The following SLC12A2 variants were observed in gnomAD, a reference collection of about 807,000 sequenced individuals.
SLC12A2 encodes the protein Na-K-2Cl cotransporter 1.
A neutral mutation model predicts 136.3 loss-of-function variants in SLC12A2; 67 were observed. The observed-to-expected ratio is 0.49, with a 90% CI of 0.40 to 0.60. The LOEUF (loss-of-function observed/expected upper bound fraction) is 0.60, where lower values mean the gene tolerates loss of function less well. SLC12A2 is among the 20% of genes least tolerant of loss of function. SLC12A2 has a pLI of 0.00. For missense variants in SLC12A2, 1,322 were observed against 1,534.7 expected (o/e 0.86, Z 2.32); for synonymous variants, 619 against 562.9 (o/e 1.10, Z -1.41).
At chr5:128,133,422 A>G (rs1243243818) in intron 5 of SLC12A2, among the ~76,000 whole-genome samples, 1 of 152,140 alleles carries the variant, frequency 6.6e-6, no homozygotes, top group East Asian at 1.9e-4. Flanking sequence ...TTTATGAAAT[A>G]ATTTCTTTTG....
chr5:128,085,879 G>A (rs1268074493), intron 1 of SLC12A2, among the ~76,000 whole-genome samples: 1 of 152,176 alleles, frequency 6.6e-6, no homozygotes, highest in South Asian at 2.1e-4. Flanking sequence ...AAAAGCCTGA[G>A]ATCATTTAGC....
intron 17 of SLC12A2, among the ~76,000 whole-genome samples, chr5:128,167,521 G>C (rs1156358223): frequency 6.6e-6 from 1 of 151,802 alleles, no homozygotes; most frequent in Non-Finnish European, 1.5e-5. Context: ...ACAAAAATAT[G>C]TACATTTAGA....
At position 128,187,535 on chromosome 5, in the gene SLC12A2, G is replaced by A. The variant is rs532854510; in HGVS notation, c.*904G>A. The A allele has an allele frequency of 6.6e-6, 1 of 152,226 alleles. No homozygotes were observed. Among genetic ancestry groups the A allele is most frequent in the African/African-American group, 2.4e-5 (1 of 41,542 alleles). 9.4% of individuals were successfully genotyped at this position (152,226 alleles called of 1,614,324 possible). A position where few individuals can be genotyped will look rare whatever the true frequency, so the allele number is the denominator to read the frequency against. On this transcript the variant is annotated 3_prime_UTR_variant, in exon 27 of 27. Coordinates refer to ENST00000262461, the MANE Select transcript of SLC12A2 (RefSeq NM_001046.3). ...AACAGATTTTTCTGGAGGAAATTTA[G>A]ACAAAACAATGTCATTTAGTAGAAT...
At chr5:128,185,157 C>T (rs1763827706) in intron 26 of SLC12A2, among the ~76,000 whole-genome samples, 1 of 152,094 alleles carries the variant, frequency 6.6e-6, no homozygotes, top group Non-Finnish European at 1.5e-5. Context: ...TACAGCATAG[C>T]CGTTAAGCAC....
At chr5:128,093,212 A>G (rs1760403432) in intron 1 of SLC12A2, among the ~76,000 whole-genome samples, 1 of 152,072 alleles carries the variant, frequency 6.6e-6, no homozygotes, top group Non-Finnish European at 1.5e-5. Flanking sequence ...TGTTTTGGTC[A>G]CTTCCTTGGC....
intron 1 of SLC12A2, among the ~76,000 whole-genome samples, chr5:128,088,007 C>CTGTGTGTGTGTGTGTGTG (rs58191870): frequency 0.072 from 10,037 of 140,164 alleles, 569 homozygotes; most frequent in Non-Finnish European, 0.092. Flanking sequence ...GGAGGAGGCT[C>CTGTGTGTGTGTGTGTGTG]TGTGTGTGTG....
intron 4 of SLC12A2, among the ~76,000 whole-genome samples, chr5:128,124,415 C>G (rs1761702861): frequency 6.6e-6 from 1 of 152,196 alleles, no homozygotes; most frequent in Non-Finnish European, 1.5e-5. Flanking sequence ...CCTCCTGTAC[C>G]TCTGACCAAC....
In SLC12A2 at chr5:128,127,191, G is replaced by A. The variant is rs1477041475; in HGVS notation, c.1049-3876G>A. ...GGCTGGAGTGCAGTGGCACGATCTC[G>A]GCTCACTGCAAGCTCTGCCTCCCGG... On this transcript the variant is annotated intron_variant, in intron 4 of 26. Coordinates refer to ENST00000262461, the MANE Select transcript of SLC12A2 (RefSeq NM_001046.3). Among the ~76,000 whole-genome samples, 11 of 127,884 alleles carry A rather than the reference G, an allele frequency of 8.6e-5. 1 individual carries two copies. In the South Asian group the frequency reaches 1.9e-3, roughly 23 times the overall value. The allele number at this position is 127,884 out of a possible 152,430, so 83.9% of individuals were successfully genotyped here. A position where few individuals can be genotyped will look rare whatever the true frequency, so the allele number is the denominator to read the frequency against.
rs1190317395 is a variant in SLC12A2, at chr5:128,134,243, A to G, written c.1267A>G (p.Ile423Val). ...CATTACAGTCGTGATTCTTTTAGGT[A>G]TCTCAGTAGCTGGAATGGAGTGGGA... ...GAITVVILLG[I>V]SVAGMEWEAK... The change falls in exon 6 of 27, where the codon ATC becomes GTC. Residue 423 changes from isoleucine (I) to valine (V), a missense_variant. Coordinates refer to ENST00000262461, the MANE Select transcript of SLC12A2 (RefSeq NM_001046.3). The G allele has an allele frequency of 6.2e-7, 1 of 1,603,064 alleles. No homozygotes were observed.
intron 20 of SLC12A2, 35 bp downstream of exon 20, chr5:128,174,701 G>T: frequency 6.9e-7 from 1 of 1,450,968 alleles, no homozygotes. Context: ...CTTATTAATA[G>T]TAATGTTTTA....
intron 9 of SLC12A2, among the ~76,000 whole-genome samples, chr5:128,139,903 A>G (rs1307672858): frequency 6.6e-6 from 1 of 152,218 alleles, no homozygotes; most frequent in African/African-American, 2.4e-5. Context: ...AAACTCTACT[A>G]TTTGCTTAAA....
At chr5:128,089,654 T>A (rs1387573010) in intron 1 of SLC12A2, among the ~76,000 whole-genome samples, 3 of 152,208 alleles carry the variant, frequency 2.0e-5, no homozygotes, top group African/African-American at 7.2e-5. Context: ...TATTATGACT[T>A]CTTCACTAGC....
At position 128,131,060 on chromosome 5, in the gene SLC12A2, T is replaced by C; in HGVS notation, c.1049-7T>C. 6.2e-7 allele frequency: 1 copy of C among 1,612,878 alleles called. No homozygotes were observed. Among genetic ancestry groups the C allele is most frequent in the African/African-American group, 1.3e-5 (1 of 74,902 alleles). On this transcript the variant is annotated splice_region_variant and splice_polypyrimidine_tract_variant and intron_variant, in intron 4 of 26. Transcript: ENST00000262461. The stretch of plus-strand genomic sequence containing the variant: ...CCTGTTTTTTTTGTTTGTTTGTTTG[T>C]TTTTAGGAGGAGCATATTATTTAAT...
intron 24 of SLC12A2, among the ~76,000 whole-genome samples, chr5:128,183,719 C>G (rs1041101863): frequency 3.9e-5 from 6 of 151,944 alleles, no homozygotes; most frequent in African/African-American, 1.4e-4. Flanking sequence ...TTTTTTACAT[C>G]ACTTTTATTC....
At chr5:128,097,780 ATATG>A (rs1760598178) in intron 1 of SLC12A2, among the ~76,000 whole-genome samples, 1 of 152,096 alleles carries the variant, frequency 6.6e-6, no homozygotes, top group African/African-American at 2.4e-5. Flanking sequence ...TAAAAGAAAA[ATATG>A]TATGGTTTTT....
intron 17 of SLC12A2, among the ~76,000 whole-genome samples, chr5:128,166,875 A>T (rs1561699197): frequency 6.6e-6 from 1 of 152,032 alleles, no homozygotes; most frequent in Admixed American, 6.6e-5. Context: ...TGGAAATAGA[A>T]TTTTCTAATG....
chr5:128,115,768 A>G (rs1044844193), intron 4 of SLC12A2, among the ~76,000 whole-genome samples: 3 of 152,120 alleles, frequency 2.0e-5, no homozygotes, highest in Non-Finnish European at 4.4e-5. Context: ...CACAATTTCC[A>G]CTTTACCTGC....
At chr5:128,162,525 G>T (rs1326018802) in intron 17 of SLC12A2, among the ~76,000 whole-genome samples, 1 of 152,028 alleles carries the variant, frequency 6.6e-6, no homozygotes, top group Non-Finnish European at 1.5e-5. Context: ...TTTAGCTAGG[G>T]AAGAATGAGG....
intron 12 of SLC12A2, 21 bp downstream of exon 12, chr5:128,148,898 G>A (rs1411316052): frequency 6.4e-7 from 1 of 1,564,832 alleles, no homozygotes; most frequent in Non-Finnish European, 8.6e-7. Flanking sequence ...TAAATGGTGT[G>A]TTATTGTAGA....
Sources: gnomAD v4.1 joint callset for allele counts (sites outside exome capture counted in the v4.1 genomes callset) on GRCh38, gnomAD v4.1.1 for gene constraint, MANE v1.5 for transcripts, NCBI Gene and HGNC (gene_info 2026-07-23, HGNC 2026-07-21) for gene names.